CASQ2: variants seen among roughly 807,000 people sequenced by gnomAD.
The protein encoded by CASQ2 is calsequestrin-2.
CASQ2 carries 49 observed loss-of-function variants against 46.5 expected under a neutral mutation model. The ratio of observed to expected loss-of-function variants is 1.05; its 90% CI spans 0.84 to 1.34. CASQ2 has a LOEUF of 1.34. Among genes scored for constraint, CASQ2 ranks in the 40% most tolerant of loss-of-function variants. CASQ2 has a pLI of 0.00. For synonymous variants in CASQ2, 174 were observed against 168.5 expected (o/e 1.03, Z -0.25); for missense variants, 486 against 481.3 (o/e 1.01, Z -0.09).
chr1:115,735,616 G>A (rs1454565600), intron 4 of CASQ2, among the ~76,000 whole-genome samples: 2 of 152,178 alleles, frequency 1.3e-5, no homozygotes, highest in Non-Finnish European at 2.9e-5. Context: ...ATTAAGATCA[G>A]TAGAGCAATA....
At chr1:115,748,680 T>C (rs1445301431) in intron 1 of CASQ2, among the ~76,000 whole-genome samples, 3 of 152,218 alleles carry the variant, frequency 2.0e-5, no homozygotes, top group African/African-American at 4.8e-5. Context: ...CTTCACTCTA[T>C]TGCATTTAAT....
intron 1 of CASQ2, among the ~76,000 whole-genome samples, chr1:115,761,609 C>A (rs181840345): frequency 6.6e-6 from 1 of 150,558 alleles, no homozygotes; most frequent in Admixed American, 6.6e-5. Flanking sequence ...AGTCACTCTC[C>A]GCTAAAGTTT....
chr1:115,705,824 C>T (rs1654342228), intron 8 of CASQ2, among the ~76,000 whole-genome samples: 1 of 149,714 alleles, frequency 6.7e-6, no homozygotes, highest in Non-Finnish European at 1.5e-5. Flanking sequence ...CTCCCTCCCT[C>T]CCTCCCTATT....
chr1:115,704,768 T>C (rs1654307857), intron 9 of CASQ2, among the ~76,000 whole-genome samples: 2 of 152,190 alleles, frequency 1.3e-5, no homozygotes, highest in Non-Finnish European at 2.9e-5. Flanking sequence ...GCTCGCTTTC[T>C]CTCCACAAAG....
chr1:115,707,091 A>G (rs1236417939), intron 8 of CASQ2, among the ~76,000 whole-genome samples: 1 of 150,638 alleles, frequency 6.6e-6, no homozygotes, highest in Admixed American at 6.6e-5. Context: ...ATCATAGCTC[A>G]CAGCAGCCTC....
Position 115,728,450 on chromosome 1 carries a change from T to C in CASQ2, c.607-1328A>G, listed in dbSNP as rs187121288. On this transcript the variant is annotated intron_variant, in intron 5 of 10. Transcript: ENST00000261448. ...ATGTGGAGTTTTTTCTAACTGTTTT[T>C]CCCTCTTCTCAGGGGTAGGGGGGTG... Among the ~76,000 whole-genome samples the C allele has an allele frequency of 1.5e-4, 23 of 152,198 alleles. 1 individual carries two copies. In the East Asian group the frequency reaches 4.3e-3, roughly 28 times the overall value.
intron 6 of CASQ2, among the ~76,000 whole-genome samples, chr1:115,726,790 G>A (rs1240602450): frequency 6.6e-6 from 1 of 152,206 alleles, no homozygotes; most frequent in Non-Finnish European, 1.5e-5. Context: ...ATCAAACTCT[G>A]CTTGCAGGTG....
At chr1:115,711,516 A>G (rs1432242251) in intron 8 of CASQ2, among the ~76,000 whole-genome samples, 1 of 152,072 alleles carries the variant, frequency 6.6e-6, no homozygotes, top group African/African-American at 2.4e-5. Context: ...AGACACATGC[A>G]GAAGGTCCTC....
intron 3 of CASQ2, among the ~76,000 whole-genome samples, chr1:115,740,277 G>T (rs935367212): frequency 1.2e-4 from 19 of 152,162 alleles, no homozygotes; most frequent in African/African-American, 4.6e-4. Flanking sequence ...GGCTGAAAAA[G>T]TGTGATACTG....
In CASQ2 at chr1:115,705,182, A is replaced by G. The variant is rs1654320644; in HGVS notation, c.939+10T>C. The G allele has an allele frequency of 1.3e-6, 2 of 1,570,668 alleles. No homozygotes were observed. ...CAACTGAGGGTGGGGCGCTGGCTGG[A>G]GCCACTCACCAGAGGAAAGTCGTCC... is the stretch of plus-strand genomic sequence containing the variant. On this transcript the variant is annotated intron_variant, in intron 9 of 10. Coordinates refer to ENST00000261448, the MANE Select transcript of CASQ2 (RefSeq NM_001232.4).
chr1:115,718,775 C>T (rs569252974), intron 7 of CASQ2, among the ~76,000 whole-genome samples: 2 of 152,140 alleles, frequency 1.3e-5, no homozygotes, highest in African/African-American at 2.4e-5. Context: ...TGTCTCTACA[C>T]CCTGGGCAGC....
chr1:115,751,484 C>T (rs994174685), intron 1 of CASQ2, among the ~76,000 whole-genome samples: 54 of 149,468 alleles, frequency 3.6e-4, no homozygotes, highest in African/African-American at 1.3e-3. Context: ...CTGGCTAACA[C>T]GGTGAAACAC....
chr1:115,761,723 G>A (rs1166171530), intron 1 of CASQ2, among the ~76,000 whole-genome samples: 4 of 151,844 alleles, frequency 2.6e-5, no homozygotes, highest in Non-Finnish European at 5.9e-5. Flanking sequence ...AGCATCAAGA[G>A]ATCCACTAAA....
intron 6 of CASQ2, among the ~76,000 whole-genome samples, chr1:115,726,184 C>T (rs1004291233): frequency 2.6e-5 from 4 of 152,144 alleles, no homozygotes; most frequent in African/African-American, 9.7e-5. Context: ...TGAACACACT[C>T]GTGTACATGC....
At chr1:115,717,919 T>C (rs777976543) in intron 7 of CASQ2, 25 bp from the exon 8 acceptor site, 1 of 1,536,388 alleles carries the variant, frequency 6.5e-7, no homozygotes, top group East Asian at 2.2e-5. Flanking sequence ...TAACAAAAGT[T>C]ACACTTCCAG....
At chr1:115,738,949 C>T (rs1368576168) in intron 3 of CASQ2, among the ~76,000 whole-genome samples, 3 of 151,242 alleles carry the variant, frequency 2.0e-5, no homozygotes, top group African/African-American at 7.3e-5. Context: ...TTCTAGATTC[C>T]ACATATAATA....
intron 1 of CASQ2, among the ~76,000 whole-genome samples, chr1:115,765,592 G>GA (rs925145434): frequency 4.6e-5 from 7 of 151,640 alleles, no homozygotes; most frequent in South Asian, 2.1e-4. Flanking sequence ...GATAAAAATA[G>GA]AAAAAAAAAT....
intron 8 of CASQ2, 90 bp downstream of exon 8, chr1:115,717,750 G>C: frequency 1.0e-6 from 1 of 968,194 alleles, no homozygotes; most frequent in Non-Finnish European, 1.7e-6. Context: ...ATTGTGGATG[G>C]GATGTGAGAG....
At chr1:115,736,684 T>A (rs1263526451) in intron 4 of CASQ2, among the ~76,000 whole-genome samples, 1 of 152,072 alleles carries the variant, frequency 6.6e-6, no homozygotes, top group East Asian at 1.9e-4. Context: ...TCATTCAAAA[T>A]TTTTTTTAAA....
Sources: allele counts gnomAD v4.1 joint callset (sites outside exome capture counted in the v4.1 genomes callset), GRCh38; gene constraint gnomAD v4.1.1; transcripts MANE v1.5; gene names NCBI Gene and HGNC (gene_info 2026-07-23, HGNC 2026-07-21).